ATRNL1: variants seen among roughly 807,000 people sequenced by gnomAD.
The protein encoded by ATRNL1 is attractin like 1, also known as attractin-like protein 1.
In ATRNL1, 95 loss-of-function variants were observed where a neutral mutation model predicts 182.7. That is an observed-to-expected ratio of 0.52 (90% CI 0.44 to 0.62). ATRNL1 has a LOEUF of 0.62. Ranked by LOEUF, ATRNL1 falls within the 20% of genes least tolerant of loss-of-function variation. ATRNL1 has a pLI of 0.00. For synonymous variants in ATRNL1, 576 were observed against 568.3 expected (o/e 1.01, Z -0.19); for missense variants, 1,471 against 1,679.5 (o/e 0.88, Z 2.17).
chr10:115,199,750 T>TGGCATTA (rs1375667701), intron 8 of ATRNL1, among the ~76,000 whole-genome samples: 1 of 152,144 alleles, frequency 6.6e-6, no homozygotes, highest in Non-Finnish European at 1.5e-5. Flanking sequence ...TTAGCTACAC[T>TGGCATTA]GGCATTAGTG....
chr10:115,142,277 AACC>A (rs1554878247), intron 5 of ATRNL1, among the ~76,000 whole-genome samples: 3 of 152,224 alleles, frequency 2.0e-5, no homozygotes, highest in African/African-American at 7.2e-5. Flanking sequence ...AAGAGAGTTC[AACC>A]ATATAGATAT....
At chr10:115,146,415 G>A (rs1339310001) in intron 5 of ATRNL1, among the ~76,000 whole-genome samples, 2 of 152,084 alleles carry the variant, frequency 1.3e-5, no homozygotes, top group Non-Finnish European at 2.9e-5. Flanking sequence ...GTGTAATGAT[G>A]AAGTCAGGGT....
intron 27 of ATRNL1, among the ~76,000 whole-genome samples, chr10:115,762,296 GACT>G (rs67626893): frequency 0.46 from 69,887 of 151,902 alleles, 17,731 homozygotes; most frequent in East Asian, 0.68. Context: ...CTGCACTGAT[GACT>G]TCTTCAGAAA....
At chr10:115,406,547 T>C (rs1325519140) in intron 20 of ATRNL1, among the ~76,000 whole-genome samples, 1 of 152,208 alleles carries the variant, frequency 6.6e-6, no homozygotes, top group Non-Finnish European at 1.5e-5. Context: ...CATTTTAATT[T>C]TGACACTTCT....
chr10:115,421,443 C>T (rs1017073942), intron 20 of ATRNL1, among the ~76,000 whole-genome samples: 3 of 152,008 alleles, frequency 2.0e-5, no homozygotes, highest in Non-Finnish European at 2.9e-5. Flanking sequence ...AGGACAAAAA[C>T]CATAGGATCA....
At chr10:115,536,710 T>G (rs1338302923) in intron 25 of ATRNL1, among the ~76,000 whole-genome samples, 1 of 152,210 alleles carries the variant, frequency 6.6e-6, no homozygotes, top group Non-Finnish European at 1.5e-5. Flanking sequence ...GCGTCGCTCA[T>G]GCTGGGAGCT....
At chr10:115,115,795 TGTTAA>T (rs1844458500) in intron 1 of ATRNL1, among the ~76,000 whole-genome samples, 1 of 152,086 alleles carries the variant, frequency 6.6e-6, no homozygotes, top group Admixed American at 6.6e-5. Flanking sequence ...TTTTATAATG[TGTTAA>T]GTTATATATC....
At chr10:115,654,176 G>T (rs1555035097) in intron 26 of ATRNL1, among the ~76,000 whole-genome samples, 3 of 151,916 alleles carry the variant, frequency 2.0e-5, no homozygotes, top group African/African-American at 7.3e-5. Context: ...TGAGAGACTG[G>T]CATTGCTGTT....
chr10:115,597,557 A>G (rs188110976), intron 26 of ATRNL1: 148 of 392,432 alleles, frequency 3.8e-4, no homozygotes, highest in African/African-American at 2.8e-3. Context: ...GAAACAATTC[A>G]TTTATGGGAG....
intron 19 of ATRNL1, among the ~76,000 whole-genome samples, chr10:115,347,456 A>T (rs1431937170): frequency 6.6e-6 from 1 of 152,148 alleles, no homozygotes; most frequent in Non-Finnish European, 1.5e-5. Context: ...AAATCAATTT[A>T]TAAAGCATGG....
At position 115,676,807 on chromosome 10, in the gene ATRNL1, A is replaced by T. The variant is rs139915942; in HGVS notation, c.3796-50441A>T. On this transcript the variant is annotated intron_variant, in intron 26 of 28. Coordinates refer to ENST00000355044, the MANE Select transcript of ATRNL1 (RefSeq NM_207303.4). ...GAAAAGGATAAACAAGCAGAGCAGG[A>T]TGGCTGATTACTTACAGCATGTGCT... 8.5e-5 allele frequency among the ~76,000 whole-genome samples: 13 copies of T among 152,144 alleles called. No individual in the cohort carries two copies. The East Asian group carries it at 2.1e-3, about 25-fold the overall frequency.
intron 24 of ATRNL1, among the ~76,000 whole-genome samples, chr10:115,475,535 A>G (rs1848490943): frequency 6.6e-6 from 1 of 151,272 alleles, no homozygotes; most frequent in Admixed American, 6.6e-5. Context: ...TGTTTCTTCA[A>G]TTTCTGTTGC....
At chr10:115,658,515 G>A (rs11197386) in intron 26 of ATRNL1, among the ~76,000 whole-genome samples, 1,768 of 152,048 alleles carry the variant, frequency 0.012, 36 homozygotes, top group African/African-American at 0.04. Flanking sequence ...ACCTTTTTTA[G>A]TGATAGGAAT....
chr10:115,263,126 A>G (rs1428044844), intron 10 of ATRNL1, among the ~76,000 whole-genome samples: 2 of 151,934 alleles, frequency 1.3e-5, no homozygotes, highest in Non-Finnish European at 2.9e-5. Context: ...TTGTGTAGTC[A>G]TAACATGGAA....
chr10:115,885,342 A>G (rs1193241377), intron 28 of ATRNL1, among the ~76,000 whole-genome samples: 1 of 152,186 alleles, frequency 6.6e-6, no homozygotes, highest in East Asian at 1.9e-4. Flanking sequence ...TGTCAGGAAG[A>G]TGCCCACTGT....
intron 28 of ATRNL1, among the ~76,000 whole-genome samples, chr10:115,884,391 A>C (rs1304251342): frequency 1.3e-5 from 2 of 152,224 alleles, no homozygotes; most frequent in African/African-American, 2.4e-5. Context: ...CCAATCCCAG[A>C]ATCACATTGC....
chr10:115,696,021 C>A (rs1366307649), intron 26 of ATRNL1, among the ~76,000 whole-genome samples: 1 of 151,988 alleles, frequency 6.6e-6, no homozygotes, highest in Non-Finnish European at 1.5e-5. Context: ...GCCTCAGCCT[C>A]CTGAGTAGCT....
At chr10:115,542,703 A>G (rs1852429218) in intron 25 of ATRNL1, among the ~76,000 whole-genome samples, 1 of 152,168 alleles carries the variant, frequency 6.6e-6, no homozygotes, top group East Asian at 1.9e-4. Flanking sequence ...TTGGGCTGCC[A>G]TAACAAAATA....
At chr10:115,736,229 G>A (rs1947946345) in intron 27 of ATRNL1, among the ~76,000 whole-genome samples, 1 of 151,976 alleles carries the variant, frequency 6.6e-6, no homozygotes, top group Non-Finnish European at 1.5e-5. Context: ...TCTCAATGCT[G>A]TTTCTTTTGG....
Sources: gnomAD v4.1 joint callset for allele counts (sites outside exome capture counted in the v4.1 genomes callset) on GRCh38, gnomAD v4.1.1 for gene constraint, MANE v1.5 for transcripts, NCBI Gene and HGNC (gene_info 2026-07-23, HGNC 2026-07-21) for gene names.